The following DEPTOR variants were observed in gnomAD, a reference collection of about 807,000 sequenced individuals.
DEPTOR encodes DEP domain-containing mTOR-interacting protein.
DEPTOR carries 41 observed loss-of-function variants against 41.6 expected under a neutral mutation model. That is an observed-to-expected ratio of 0.98 (90% CI 0.77 to 1.28). DEPTOR has a LOEUF of 1.28. Ranked by LOEUF, DEPTOR falls within the 50% of genes most tolerant of loss-of-function variation. DEPTOR has a pLI of 0.00. For synonymous variants in DEPTOR, 195 were observed against 192.3 expected (o/e 1.01, Z -0.12); for missense variants, 514 against 527.9 (o/e 0.97, Z 0.26).
At chr8:119,882,179 C>A (rs1827306444) in intron 1 of DEPTOR, among the ~76,000 whole-genome samples, 1 of 152,164 alleles carries the variant, frequency 6.6e-6, no homozygotes, top group Non-Finnish European at 1.5e-5. Flanking sequence ...GGATGAGCCA[C>A]TGCGCTCGGC....
At chr8:119,988,958 C>CTTTTTTTCTT (rs1828864302) in intron 4 of DEPTOR, among the ~76,000 whole-genome samples, 1 of 93,976 alleles carries the variant, frequency 1.1e-5, no homozygotes, top group Non-Finnish European at 1.9e-5. Context: ...TTTTTTTTTT[C>CTTTTTTTCTT]TTTTTTTTTT....
chr8:120,018,335 T>G (rs987986895), intron 8 of DEPTOR, among the ~76,000 whole-genome samples: 3 of 152,164 alleles, frequency 2.0e-5, no homozygotes, highest in African/African-American at 7.2e-5. Context: ...CCCAGCACTT[T>G]GGGAGGCCGA....
intron 1 of DEPTOR, among the ~76,000 whole-genome samples, chr8:119,907,120 T>C (rs1380965313): frequency 1.3e-5 from 2 of 152,200 alleles, no homozygotes; most frequent in Non-Finnish European, 2.9e-5. Context: ...GGGTCTATGA[T>C]GTTGTAGCAA....
At chr8:120,042,364 C>T (rs1813089006) in intron 8 of DEPTOR, among the ~76,000 whole-genome samples, 1 of 152,124 alleles carries the variant, frequency 6.6e-6, no homozygotes, top group African/African-American at 2.4e-5. Context: ...AATGAAAATT[C>T]ATTATAACTG....
chr8:120,013,314 C>T (rs1812560512), intron 8 of DEPTOR, among the ~76,000 whole-genome samples: 1 of 152,136 alleles, frequency 6.6e-6, no homozygotes, highest in African/African-American at 2.4e-5. Flanking sequence ...CCATGTCCTT[C>T]CGTATAGTTT....
At position 119,971,125 on chromosome 8, in the gene DEPTOR, C is replaced by T. The variant is rs113229082; in HGVS notation, c.604+5715C>T. Among the ~76,000 whole-genome samples, 428 of 151,260 alleles carry T rather than the reference C, an allele frequency of 2.8e-3. 4 individuals carry two copies. The highest frequency in any genetic ancestry group is 8.9e-3 in the African/African-American group (367 of 41,134). On this transcript the variant is annotated intron_variant, in intron 4 of 8. Transcript: ENST00000286234. ...CAGGCGCTTTGCAGTCCCAGCTACT[C>T]GGGAGGCTGAGGCAGGATGATGGTG...
chr8:119,894,853 GT>G (rs1212752278), intron 1 of DEPTOR, among the ~76,000 whole-genome samples: 3 of 152,214 alleles, frequency 2.0e-5, no homozygotes, highest in South Asian at 2.1e-4. Flanking sequence ...CTACCCTGGG[GT>G]CTATTCAGAA....
At position 119,954,845 on chromosome 8, in the gene DEPTOR, G is replaced by GGTGTGTGTGT. The variant is rs10649943; in HGVS notation, c.426-10366_426-10357dup. Among the ~76,000 whole-genome samples the GGTGTGTGTGT allele has an allele frequency of 3.6e-3, 531 of 148,056 alleles. 2 individuals are homozygous for GGTGTGTGTGT. Among genetic ancestry groups the GGTGTGTGTGT allele is most frequent in the African/African-American group, 0.012 (501 of 40,430 alleles). ...TGAGTGCTTGCAGCAGGCAAATATT[G>GGTGTGTGTGT]GTGTGTGTGTGTGTGTGTGTGTGTG... On this transcript the variant is annotated intron_variant, in intron 3 of 8. Transcript: ENST00000286234.
intron 8 of DEPTOR, among the ~76,000 whole-genome samples, chr8:120,048,995 A>G (rs1813192701): frequency 6.6e-6 from 1 of 152,178 alleles, no homozygotes; most frequent in South Asian, 2.1e-4. Context: ...GTATCTAAGT[A>G]ATAAGTATAG....
intron 4 of DEPTOR, among the ~76,000 whole-genome samples, chr8:119,988,673 G>T (rs1438672270): frequency 6.6e-6 from 1 of 151,932 alleles, no homozygotes; most frequent in Non-Finnish European, 1.5e-5. Flanking sequence ...AGTAGAGATG[G>T]GGTTTCACCA....
At chr8:119,920,457 G>C (rs979899194) in intron 1 of DEPTOR, among the ~76,000 whole-genome samples, 2 of 152,164 alleles carry the variant, frequency 1.3e-5, no homozygotes, top group Non-Finnish European at 1.5e-5. Flanking sequence ...GGAAGGCTGG[G>C]AAAACGTTCA....
intron 3 of DEPTOR, among the ~76,000 whole-genome samples, chr8:119,946,590 C>T (rs1274083860): frequency 1.3e-5 from 2 of 151,822 alleles, no homozygotes; most frequent in African/African-American, 4.8e-5. Context: ...CAAAGTTAGC[C>T]GGGTGTGGTG....
chr8:119,889,399 T>C (rs1224219423), intron 1 of DEPTOR, among the ~76,000 whole-genome samples: 2 of 151,162 alleles, frequency 1.3e-5, no homozygotes, highest in African/African-American at 4.9e-5. Context: ...TTTTAAAAAT[T>C]AGCCAGGTGT....
At chr8:119,919,274 G>GGA (rs1037337726) in intron 1 of DEPTOR, among the ~76,000 whole-genome samples, 37 of 152,164 alleles carry the variant, frequency 2.4e-4, no homozygotes, top group African/African-American at 8.4e-4. Flanking sequence ...TGGAGGTGGA[G>GGA]GAAAGCCTGA....
chr8:119,946,760 C>A (rs985454496), intron 3 of DEPTOR, among the ~76,000 whole-genome samples: 2 of 152,054 alleles, frequency 1.3e-5, no homozygotes, highest in Non-Finnish European at 2.9e-5. Flanking sequence ...AAAAAAAGTT[C>A]TCTGTGTTCT....
chr8:119,994,896 A>C (rs981230085), intron 4 of DEPTOR, among the ~76,000 whole-genome samples: 4 of 150,384 alleles, frequency 2.7e-5, no homozygotes, highest in Non-Finnish European at 5.9e-5. Context: ...CAGCCTGGGC[A>C]ACACAGTGAG....
At position 120,049,400 on chromosome 8, in the gene DEPTOR, C is replaced by T. The variant is rs569465898; in HGVS notation, c.1102-176C>T. 6.0e-5 allele frequency among the ~76,000 whole-genome samples: 9 copies of T among 150,942 alleles called. No individual in the cohort carries two copies. In the South Asian group the frequency reaches 1.9e-3, roughly 32 times the overall value. ...ACGATTTTTTTTTTTTTAAATTATA[C>T]TGCCTTCCAGAAAATGTGTAGCTCC... is the stretch of plus-strand genomic sequence containing the variant. On this transcript the variant is annotated intron_variant, in intron 8 of 8. Coordinates refer to ENST00000286234, the MANE Select transcript of DEPTOR (RefSeq NM_022783.4).
chr8:119,918,547 G>A (rs568229759), intron 1 of DEPTOR, among the ~76,000 whole-genome samples: 143 of 152,086 alleles, frequency 9.4e-4, no homozygotes, highest in Middle Eastern at 6.8e-3. Context: ...TGCAACCTCC[G>A]CCTCCTGGGT....
chr8:120,047,344 A>G (rs1813167218), intron 8 of DEPTOR, among the ~76,000 whole-genome samples: 1 of 151,090 alleles, frequency 6.6e-6, no homozygotes, highest in South Asian at 2.1e-4. Flanking sequence ...TTTTATGCAA[A>G]GATTTTCCAA....
Sources: allele counts gnomAD v4.1 joint callset (sites outside exome capture counted in the v4.1 genomes callset), GRCh38; gene constraint gnomAD v4.1.1; transcripts MANE v1.5; gene names NCBI Gene and HGNC (gene_info 2026-07-23, HGNC 2026-07-21).